The following NRG1 variants were observed in gnomAD, a reference collection of about 807,000 sequenced individuals.
NRG1 encodes pro-neuregulin-1, membrane-bound isoform.
A neutral mutation model predicts 63.8 loss-of-function variants in NRG1; 18 were observed. The observed-to-expected ratio is 0.28, with a 90% CI of 0.19 to 0.42. The LOEUF (loss-of-function observed/expected upper bound fraction) is 0.42. Ranked by LOEUF, NRG1 falls within the 10% of genes least tolerant of loss-of-function variation. The probability of loss-of-function intolerance (pLI) is 1.00; values close to 1 mark genes in which losing one functional copy is unlikely to be tolerated. For missense variants in NRG1, 762 were observed against 814.7 expected, an observed-to-expected ratio of 0.94 and a Z score of 0.79; for synonymous variants, 302 against 301.3, an observed-to-expected ratio of 1.00 and a Z score of -0.02.
chr8:31,715,015 T>A (rs1292258561), intron 1 of NRG1, among the ~76,000 whole-genome samples: 1 of 152,194 alleles, frequency 6.6e-6, no homozygotes, highest in African/African-American at 2.4e-5. Flanking sequence ...AGAATATTTT[T>A]ATGTCTGCAT....
intron 1 of NRG1, among the ~76,000 whole-genome samples, chr8:32,562,956 A>G (rs1836726570): frequency 6.6e-6 from 1 of 152,202 alleles, no homozygotes; most frequent in South Asian, 2.1e-4. Context: ...CAAAGTCGGC[A>G]TTTTATTAGA....
At chr8:32,747,309 A>G (rs1415198831) in intron 7 of NRG1, among the ~76,000 whole-genome samples, 1 of 152,112 alleles carries the variant, frequency 6.6e-6, no homozygotes, top group East Asian at 1.9e-4. Context: ...ACTGACTGGT[A>G]GGAGAAAAAG....
At chr8:32,721,319 TC>T (rs760076916) in intron 5 of NRG1, among the ~76,000 whole-genome samples, 2 of 152,198 alleles carry the variant, frequency 1.3e-5, no homozygotes, top group African/African-American at 4.8e-5. Flanking sequence ...CCCAAGTTCA[TC>T]AGTTAAACCA....
chr8:32,149,725 A>G (rs1015069171), intron 1 of NRG1, among the ~76,000 whole-genome samples: 2 of 152,208 alleles, frequency 1.3e-5, no homozygotes, highest in African/African-American at 4.8e-5. Context: ...GGAACTTCAT[A>G]TAATTATCTC....
chr8:31,856,372 A>G (rs952659781), intron 1 of NRG1, among the ~76,000 whole-genome samples: 1 of 151,884 alleles, frequency 6.6e-6, no homozygotes, highest in Admixed American at 6.6e-5. Context: ...TTCATCTTCC[A>G]TCGCTGATAC....
rs115014008 is a variant in NRG1 at position 31,686,472 on chromosome 8, T to A, written c.37+47041T>A. Among the ~76,000 whole-genome samples, 691 of 151,934 alleles carry A rather than the reference T, an allele frequency of 4.5e-3. 8 individuals are homozygous for A. Among genetic ancestry groups the A allele is most frequent in the African/African-American group, 0.016 (653 of 41,328 alleles). The stretch of plus-strand genomic sequence containing the variant: ...TATGTTGTTAAGAAACTAATGGTAG[T>A]TTTTTTTCTTTTAAAATTCTCACTT... On this transcript the variant is annotated intron_variant, in intron 1 of 10. Transcript: ENST00000519301.
At chr8:31,653,559 C>A (rs1223573575) in intron 1 of NRG1, among the ~76,000 whole-genome samples, 1 of 152,138 alleles carries the variant, frequency 6.6e-6, no homozygotes, top group Non-Finnish European at 1.5e-5. Context: ...TTTTTAATGG[C>A]CTTTCTATTC....
At chr8:31,659,820 C>T (rs1195154867) in intron 1 of NRG1, among the ~76,000 whole-genome samples, 1 of 152,158 alleles carries the variant, frequency 6.6e-6, no homozygotes, top group Non-Finnish European at 1.5e-5. Flanking sequence ...AGATGAAAAC[C>T]AATCTTTTTG....
At chr8:32,730,491 T>C (rs1020470188) in intron 6 of NRG1, among the ~76,000 whole-genome samples, 1 of 152,102 alleles carries the variant, frequency 6.6e-6, no homozygotes, top group Non-Finnish European at 1.5e-5. Context: ...AAAAAGAGTA[T>C]GTAGAAAAGA....
intron 1 of NRG1, among the ~76,000 whole-genome samples, chr8:31,801,334 C>A (rs1821765365): frequency 6.6e-6 from 1 of 152,162 alleles, no homozygotes; most frequent in South Asian, 2.1e-4. Context: ...GTTGCTATTA[C>A]TTCATGAAGT....
chr8:32,382,904 T>C (rs575081486), intron 1 of NRG1, among the ~76,000 whole-genome samples: 6 of 152,134 alleles, frequency 3.9e-5, no homozygotes, highest in African/African-American at 1.4e-4. Flanking sequence ...TTTATATATT[T>C]AAAATAAAAA....
At chr8:32,208,712 C>T (rs1416134921) in intron 1 of NRG1, among the ~76,000 whole-genome samples, 1 of 151,938 alleles carries the variant, frequency 6.6e-6, no homozygotes, top group Non-Finnish European at 1.5e-5. Flanking sequence ...AAGCTGGAAA[C>T]AACCTAAATA....
At chr8:31,919,419 G>A (rs1833708890) in intron 1 of NRG1, among the ~76,000 whole-genome samples, 1 of 149,094 alleles carries the variant, frequency 6.7e-6, no homozygotes. Context: ...CTTCAATTTA[G>A]CATTGAAATA....
chr8:32,017,523 C>G (rs1815733987), intron 1 of NRG1, among the ~76,000 whole-genome samples: 1 of 152,110 alleles, frequency 6.6e-6, no homozygotes, highest in Non-Finnish European at 1.5e-5. Flanking sequence ...CTCAGTCCCA[C>G]AAGACCACCG....
intron 1 of NRG1, among the ~76,000 whole-genome samples, chr8:31,921,459 TACACACATAC>T (rs778086900): frequency 3.6e-5 from 4 of 112,488 alleles, no homozygotes; most frequent in Admixed American, 1.0e-4. Context: ...ACAATCTATT[TACACACATAC>T]ACACACATAC....
intron 1 of NRG1, among the ~76,000 whole-genome samples, chr8:32,143,840 G>A (rs1353438299): frequency 6.6e-6 from 1 of 152,204 alleles, no homozygotes; most frequent in African/African-American, 2.4e-5. Flanking sequence ...TACATGTTAG[G>A]CTCTTTGGAA....
chr8:31,808,040 G>A (rs541735968), intron 1 of NRG1, among the ~76,000 whole-genome samples: 5 of 151,684 alleles, frequency 3.3e-5, no homozygotes, highest in South Asian at 4.2e-4. Flanking sequence ...TGGCTATTGT[G>A]AATACTGCTG....
intron 1 of NRG1, among the ~76,000 whole-genome samples, chr8:32,311,840 GA>G (rs1358557386): frequency 6.6e-6 from 1 of 152,186 alleles, no homozygotes; most frequent in Non-Finnish European, 1.5e-5. Context: ...CAGTAGAGAG[GA>G]AAGCTCAAAG....
In NRG1 at chr8:31,902,344, G is replaced by A. The variant is rs984507461; in HGVS notation, c.37+262913G>A. Among the ~76,000 whole-genome samples the A allele has an allele frequency of 5.9e-5, 9 of 152,144 alleles. No individual in the cohort carries two copies. In the East Asian group the frequency reaches 1.5e-3, roughly 26 times the overall value. On this transcript the variant is annotated intron_variant, in intron 1 of 10. Transcript: ENST00000519301. Reference sequence around the variant, plus strand: ...CAGGAATGAGAATGAACAGATCCTGGGATAAGTTAATAAGGTTGGATTTAT... The same window carrying A: ...CAGGAATGAGAATGAACAGATCCTGAGATAAGTTAATAAGGTTGGATTTAT...
Sources: gnomAD v4.1 joint callset for allele counts (sites outside exome capture counted in the v4.1 genomes callset) on GRCh38, gnomAD v4.1.1 for gene constraint, MANE v1.5 for transcripts, NCBI Gene and HGNC (gene_info 2026-07-23, HGNC 2026-07-21) for gene names.